PHACTR3: variants seen among roughly 807,000 people sequenced by gnomAD.
PHACTR3 encodes the protein protein phosphatase 1, regulatory subunit 123.
In PHACTR3, 16 loss-of-function variants were observed where a neutral mutation model predicts 66.8. That is an observed-to-expected ratio of 0.24 (90% confidence interval 0.16 to 0.36). The LOEUF (loss-of-function observed/expected upper bound fraction) is 0.36. Among genes scored for constraint, PHACTR3 ranks in the 10% least tolerant of loss-of-function variants. The pLI is 1.00. For missense variants in PHACTR3, 647 were observed against 719.9 expected, an observed-to-expected ratio of 0.90 and a Z score of 1.16; for synonymous variants, 323 against 292.1, an observed-to-expected ratio of 1.11 and a Z score of -1.08.
intron 9 of PHACTR3, among the ~76,000 whole-genome samples, chr20:59,837,929 T>TC (rs1477564502): frequency 6.6e-6 from 1 of 152,198 alleles, no homozygotes; most frequent in African/African-American, 2.4e-5. Context: ...GGTCTTCCCA[T>TC]CAGCAAGTAC....
chr20:59,621,869 C>T (rs1293270965), intron 1 of PHACTR3, among the ~76,000 whole-genome samples: 1 of 152,208 alleles, frequency 6.6e-6, no homozygotes, highest in East Asian at 1.9e-4. Context: ...TCCCTACCCA[C>T]TCCCCTCCTT....
At chr20:59,585,305 T>C (rs1349369636) in intron 1 of PHACTR3, among the ~76,000 whole-genome samples, 1 of 152,190 alleles carries the variant, frequency 6.6e-6, no homozygotes, top group East Asian at 1.9e-4. Flanking sequence ...GGAGGTGATG[T>C]TGTGGCCATT....
intron 1 of PHACTR3, among the ~76,000 whole-genome samples, chr20:59,588,207 G>A (rs1458450010): frequency 6.6e-6 from 1 of 152,184 alleles, no homozygotes; most frequent in African/African-American, 2.4e-5. Flanking sequence ...TCATATGTGA[G>A]GCTCTGATTT....
chr20:59,751,430 C>G (rs531407510), intron 3 of PHACTR3, among the ~76,000 whole-genome samples: 1 of 152,264 alleles, frequency 6.6e-6, no homozygotes, highest in East Asian at 1.9e-4. Flanking sequence ...TTGGCCAGGA[C>G]AAACCCCAGG....
chr20:59,698,615 CAA>C (rs765486351), intron 1 of PHACTR3, among the ~76,000 whole-genome samples: 103 of 152,194 alleles, frequency 6.8e-4, no homozygotes, highest in African/African-American at 8.4e-4. Flanking sequence ...ATTTTTAAAA[CAA>C]GAGATTTATT....
intron 1 of PHACTR3, among the ~76,000 whole-genome samples, chr20:59,610,835 A>G (rs978303859): frequency 6.6e-6 from 1 of 152,268 alleles, no homozygotes; most frequent in African/African-American, 2.4e-5. Flanking sequence ...TGGATGTGCC[A>G]GAGTGACTGG....
At chr20:59,796,014 T>C (rs1205248975) in intron 7 of PHACTR3, among the ~76,000 whole-genome samples, 2 of 152,120 alleles carry the variant, frequency 1.3e-5, no homozygotes, top group Admixed American at 6.5e-5. Flanking sequence ...AGTTGTTTTC[T>C]GGTTATTTTA....
intron 1 of PHACTR3, among the ~76,000 whole-genome samples, chr20:59,641,188 T>C (rs1009383543): frequency 2.6e-5 from 4 of 152,182 alleles, no homozygotes; most frequent in Non-Finnish European, 4.4e-5. Context: ...TATCCATCCA[T>C]TATCGTATCT....
At chr20:59,603,161 T>G (rs1341295981), upstream of PHACTR3, among the ~76,000 whole-genome samples, 1 of 152,256 alleles carries the variant, frequency 6.6e-6, no homozygotes, top group Non-Finnish European at 1.5e-5. Context: ...TTTCCTGATC[T>G]TAATTGCCAA....
At chr20:59,665,873 C>T (rs893550863) in intron 1 of PHACTR3, among the ~76,000 whole-genome samples, 1 of 152,098 alleles carries the variant, frequency 6.6e-6, no homozygotes, top group Non-Finnish European at 1.5e-5. Context: ...GTGGGGTTGG[C>T]GTTGAGGACA....
chr20:59,706,237 T>C (rs558498746), intron 1 of PHACTR3, among the ~76,000 whole-genome samples: 169 of 152,300 alleles, frequency 1.1e-3, no homozygotes, highest in Non-Finnish European at 1.8e-3. Context: ...AGGGTTGATT[T>C]TGGAGTTTCA....
chr20:59,604,565 G>T lies in PHACTR3; in HGVS notation c.-450G>T, dbSNP rs1346340251. 2.4e-6 allele frequency: 2 copies of T among 832,860 alleles called. No individual in the cohort carries two copies. Among genetic ancestry groups the T allele is most frequent in the Non-Finnish European group, 2.8e-6 (2 of 709,750 alleles). The allele number at this position is 832,860 out of a possible 1,614,324, so 51.6% of individuals were successfully genotyped here. A position where few individuals can be genotyped will look rare whatever the true frequency, so the allele number is the denominator to read the frequency against. ...AGATTAAAGCAATTGCAAGAGCAAA[G>T]ATTCTTCCTTTTCCCTTTTTTCCTG... On this transcript the variant is annotated 5_prime_UTR_variant, in exon 1 of 13. Coordinates refer to ENST00000371015, the MANE Select transcript of PHACTR3 (RefSeq NM_080672.5).
rs1022517353 is a variant in PHACTR3 at position 59,736,985 on chromosome 20, C to T, written c.119-6122C>T. ...AGCTGCTTAGACTAAGGCATCTGTC[C>T]TGGTCAATGCATTGGATTTTTGGTT... is the stretch of plus-strand genomic sequence containing the variant. On this transcript the variant is annotated intron_variant, in intron 1 of 12. Coordinates refer to ENST00000371015, the MANE Select transcript of PHACTR3 (RefSeq NM_080672.5). This position sits in a 1 kb window ranked among gnomAD's most constrained non-coding sequence, Gnocchi z 4.6. 1.3e-5 allele frequency among the ~76,000 whole-genome samples: 2 copies of T among 152,152 alleles called. No homozygotes were observed. Among genetic ancestry groups the T allele is most frequent in the Non-Finnish European group, 2.9e-5 (2 of 68,014 alleles).
chr20:59,694,952 G>T (rs1463818595), intron 1 of PHACTR3, among the ~76,000 whole-genome samples: 1 of 152,050 alleles, frequency 6.6e-6, no homozygotes, highest in Admixed American at 6.5e-5. Flanking sequence ...GCAGCAATTG[G>T]CCAGGCTTCC....
At chr20:59,730,654 TC>T (rs766054451) in intron 1 of PHACTR3, among the ~76,000 whole-genome samples, 3 of 152,182 alleles carry the variant, frequency 2.0e-5, no homozygotes, top group Non-Finnish European at 4.4e-5. Context: ...TCTCCCTTTT[TC>T]TTCTTGGGGC....
intron 1 of PHACTR3, among the ~76,000 whole-genome samples, chr20:59,704,432 AT>A (rs2037621928): frequency 6.6e-6 from 1 of 151,540 alleles, no homozygotes; most frequent in South Asian, 2.1e-4. Context: ...CTCCTGGATT[AT>A]TTTCTTCTGG....
chr20:59,806,132 C>A lies in PHACTR3; in HGVS notation c.1266C>A (p.Phe422Leu), dbSNP rs141986640. ...SKQELEDRNI[F>L]PRRTDEERQE... Reference sequence around the variant, plus strand: ...AGGAACTAGAAGACCGGAACATTTTCCCCAGAAGGACTGATGAAGAAAGAC... The same window carrying A: ...AGGAACTAGAAGACCGGAACATTTTACCCAGAAGGACTGATGAAGAAAGAC... Residue 422 changes from phenylalanine to leucine, a missense_variant, in exon 8 of 13, where the codon TTC becomes TTA. Around this residue, in one of 2 missense-constraint regions of PHACTR3, gnomAD observed 577 missense variants for 571.1 expected, o/e 1.01. Coordinates refer to ENST00000371015, the MANE Select transcript of PHACTR3 (RefSeq NM_080672.5). The A allele has an allele frequency of 6.2e-7, 1 of 1,614,124 alleles. No individual in the cohort carries two copies. Among genetic ancestry groups the A allele is most frequent in the Non-Finnish European group, 8.5e-7 (1 of 1,180,046 alleles).
chr20:59,744,376 G>A (rs945929623), intron 2 of PHACTR3, among the ~76,000 whole-genome samples: 1 of 152,310 alleles, frequency 6.6e-6, no homozygotes, highest in African/African-American at 2.4e-5. Context: ...CCAGGGCCCC[G>A]CCTCCAGCCA....
At chr20:59,759,436 G>A (rs765128393) in intron 4 of PHACTR3, among the ~76,000 whole-genome samples, 3 of 152,136 alleles carry the variant, frequency 2.0e-5, no homozygotes, top group Admixed American at 6.5e-5. Context: ...TCAGGCCTCC[G>A]GATCCCTGTT....
Sources: allele counts gnomAD v4.1 joint callset (sites outside exome capture counted in the v4.1 genomes callset), GRCh38; gene constraint gnomAD v4.1.1; regional missense constraint gnomAD v4.1.1; non-coding constraint Gnocchi (gnomAD v3.1); transcripts MANE v1.5; gene names NCBI Gene and HGNC (gene_info 2026-07-23, HGNC 2026-07-21).